The following TDG variants were observed in gnomAD, a reference collection of about 807,000 sequenced individuals.
TDG encodes the protein G/T mismatch-specific thymine DNA glycosylase.
A neutral mutation model predicts 46.1 loss-of-function variants in TDG; 23 were observed. The observed-to-expected ratio is 0.50, with a 90% CI of 0.36 to 0.71. The LOEUF (loss-of-function observed/expected upper bound fraction) is 0.71. Among genes scored for constraint, TDG ranks in the 30% least tolerant of loss-of-function variants. The pLI is 0.00. For synonymous variants in TDG, 115 were observed against 161.3 expected, an observed-to-expected ratio of 0.71 and a Z score of 2.18; for missense variants, 304 against 486.7, an observed-to-expected ratio of 0.62 and a Z score of 3.53.
rs767004128 is a variant in TDG, at chr12:103,977,031, C to A, written c.137C>A (p.Ala46Asp). The A allele has an allele frequency of 1.2e-6, 2 of 1,613,446 alleles. No individual in the cohort carries two copies. Among genetic ancestry groups the A allele is most frequent in the Admixed American group, 1.7e-5 (1 of 59,840 alleles). Residue 46 changes from alanine (A) to aspartate (D), a missense_variant, in exon 2 of 10, where the codon GCC becomes GAC. Coordinates refer to ENST00000392872, the MANE Select transcript of TDG (RefSeq NM_003211.6). ...CAGCAAATGCCAGAAGAAGTTCCAG[C>A]CCCAGCTCCTGCTCAGGAACCAGTG... ...NEQQMPEEVP[A>D]PAPAQEPVQE...
chr12:103,985,142 T>A (rs1872066190), intron 8 of TDG, among the ~76,000 whole-genome samples: 3 of 61,152 alleles, frequency 4.9e-5, no homozygotes, highest in African/African-American at 1.8e-4. Context: ...CGTATACATA[T>A]GTGTGTGTCT....
intron 9 of TDG, among the ~76,000 whole-genome samples, 162 bp downstream of exon 9, chr12:103,985,890 A>G (rs1872130429): frequency 1.3e-5 from 2 of 152,158 alleles, no homozygotes; most frequent in South Asian, 4.1e-4. Context: ...TTCACGTTGA[A>G]TTACACAGAC....
intron 4 of TDG, among the ~76,000 whole-genome samples, chr12:103,981,885 A>G (rs1007481740): frequency 2.6e-5 from 4 of 152,168 alleles, no homozygotes; most frequent in African/African-American, 4.8e-5. Flanking sequence ...GCTGTGGTGC[A>G]CACCTGTAGT....
intron 7 of TDG, among the ~76,000 whole-genome samples, chr12:103,984,159 C>T (rs571231586): frequency 6.6e-6 from 1 of 152,276 alleles, no homozygotes; most frequent in East Asian, 1.9e-4. Flanking sequence ...TATAAATATG[C>T]AATTGATGAG....
chr12:103,967,456 C>CTT (rs35778626), intron 1 of TDG, among the ~76,000 whole-genome samples: 60 of 121,328 alleles, frequency 4.9e-4, no homozygotes, highest in African/African-American at 6.4e-4. Context: ...AATAAATTTA[C>CTT]TTTTTTTTTT....
Position 103,984,728 on chromosome 12 carries a change from TA to T in TDG, c.793-20del. The T allele has an allele frequency of 8.2e-7, 1 of 1,215,068 alleles. No individual in the cohort carries two copies. The highest frequency in any genetic ancestry group is 1.1e-6 in the Non-Finnish European group (1 of 933,226). 75.3% of individuals were successfully genotyped at this position (1,215,068 alleles called of 1,614,324 possible). ...AATAGAATTATAAGATTTCTGAAAT[TA>T]TAAAATGTTGTGATTCTAGCTCTGC... On this transcript the variant is annotated intron_variant, in intron 7 of 9. Transcript: ENST00000392872.
At position 103,980,907 on chromosome 12, in the gene TDG, G is replaced by A. The variant is rs76647728; in HGVS notation, c.423G>A (p.Pro141=). ...NLDIVIIGIN[P]GLMAAYKGHH... ...TTGTTTTATAGATTGGCATAAACCC[G>A]GGACTAATGGCTGCTTACAAAGGGC... Residue 141 remains proline (P), a synonymous_variant, in exon 4 of 10, where the codon CCG becomes CCA. Coordinates refer to ENST00000392872, the MANE Select transcript of TDG (RefSeq NM_003211.6). 523 of 1,613,622 alleles carry A rather than the reference G, an allele frequency of 3.2e-4. 3 individuals are homozygous for A. In the African/African-American group the frequency reaches 6.1e-3, roughly 19 times the overall value.
At chr12:103,974,814 T>TA (rs895935196) in intron 1 of TDG, among the ~76,000 whole-genome samples, 29 of 150,062 alleles carry the variant, frequency 1.9e-4, no homozygotes, top group African/African-American at 5.4e-4. Flanking sequence ...ACTAAAAATA[T>TA]AAAAAAAAAT....
chr12:103,974,717 T>C (rs1871441774), intron 1 of TDG, among the ~76,000 whole-genome samples: 1 of 152,044 alleles, frequency 6.6e-6, no homozygotes, highest in African/African-American at 2.4e-5. Context: ...ATGCCTATAA[T>C]CCCAGCACTT....
chr12:103,984,637 A>G (rs753124382), intron 7 of TDG, 112 bp from the exon 8 acceptor site: 16 of 764,710 alleles, frequency 2.1e-5, no homozygotes, highest in Non-Finnish European at 2.9e-5. Flanking sequence ...ATATATTTAT[A>G]TGTAGTTAAG....
In TDG at chr12:103,987,081, C is replaced by T. The variant is rs574244695; in HGVS notation, c.1224C>T (p.Ser408=). 1 of 1,613,740 alleles carries T rather than the reference C, an allele frequency of 6.2e-7. No homozygotes were observed. Among genetic ancestry groups the T allele is most frequent in the South Asian group, 1.1e-5 (1 of 91,064 alleles). ...GAACACAAGAACAGGAAGAAGAAAG[C>T]CATGCTTAAGAATGGTGCTTCTCAG... ...HCGTQEQEEE[S]HA is the part of the protein sequence containing the mutation. Residue 408 remains serine (S), a synonymous_variant, in exon 10 of 10, where the codon AGC becomes AGT. Transcript: ENST00000392872.
chr12:103,982,739 T>G, intron 4 of TDG, 60 bp from the exon 5 acceptor site: 1 of 1,575,010 alleles, frequency 6.3e-7, no homozygotes, highest in Admixed American at 1.7e-5. Flanking sequence ...CACTCTAGCC[T>G]GGGTGACAGA....
chr12:103,987,064 G>T lies in TDG; in HGVS notation c.1207G>T (p.Glu403Ter), dbSNP rs767990231. 5.6e-6 allele frequency: 9 copies of T among 1,614,064 alleles called. No individual in the cohort carries two copies. The East Asian group carries it at 2.0e-4, about 36-fold the overall frequency. The change falls in exon 10 of 10, where the codon GAA (glutamate) becomes TAA (stop). Residue 403 changes from glutamate to a stop codon, truncating the protein, a stop_gained. Transcript: ENST00000392872. LOFTEE classifies it high-confidence loss of function. Reference protein sequence around the residue: ...PSFSNHCGTQEQEEESHA With the variant: ...PSFSNHCGTQ ...CTTTAGTAATCACTGTGGAACACAA[G>T]AACAGGAAGAAGAAAGCCATGCTTA...
intron 1 of TDG, among the ~76,000 whole-genome samples, chr12:103,968,400 GT>G (rs1200667256): frequency 1.3e-5 from 2 of 152,178 alleles, no homozygotes; most frequent in African/African-American, 4.8e-5. Context: ...AGGAAGGACT[GT>G]TTTGGTTAGA....
chr12:103,977,251 C>T (rs891328905), intron 2 of TDG, among the ~76,000 whole-genome samples, 191 bp downstream of exon 2: 4 of 152,202 alleles, frequency 2.6e-5, no homozygotes, highest in Middle Eastern at 3.2e-3. Context: ...AAAAATATCT[C>T]ATAATCTAGT....
chr12:103,985,492 C>A, intron 8 of TDG, 111 bp from the exon 9 acceptor site: 1 of 1,219,646 alleles, frequency 8.2e-7, no homozygotes, highest in Non-Finnish European at 1.1e-6. Context: ...AGAGATGTAT[C>A]TCAGTGTATA....
chr12:103,971,770 A>C (rs553678099), intron 1 of TDG, among the ~76,000 whole-genome samples: 1 of 152,344 alleles, frequency 6.6e-6, no homozygotes, highest in East Asian at 1.9e-4. Context: ...TAAGTTTAAC[A>C]TCAGGAAGTT....
At position 103,982,839 on chromosome 12, in the gene TDG, G is replaced by A; in HGVS notation, c.519G>A (p.Leu173=). The A allele has an allele frequency of 6.2e-7, 1 of 1,613,860 alleles. No individual in the cohort carries two copies. Among genetic ancestry groups the A allele is most frequent in the Non-Finnish European group, 8.5e-7 (1 of 1,180,012 alleles). ...TGTCAGGGCTCAGTGAGGTCCAGCT[G>A]AACCATATGGATGATCACACTCTAC... ...LFMSGLSEVQ[L]NHMDDHTLPG... The change falls in exon 5 of 10, where the codon CTG becomes CTA. Residue 173 remains leucine, a synonymous_variant. Coordinates refer to ENST00000392872, the MANE Select transcript of TDG (RefSeq NM_003211.6).
intron 2 of TDG, among the ~76,000 whole-genome samples, chr12:103,978,186 A>G (rs1871631227): frequency 1.3e-5 from 2 of 152,138 alleles, no homozygotes; most frequent in South Asian, 4.1e-4. Context: ...TGGAGAAAGA[A>G]TTAGGAAACA....
Sources: allele counts gnomAD v4.1 joint callset (sites outside exome capture counted in the v4.1 genomes callset), GRCh38; gene constraint gnomAD v4.1.1; transcripts MANE v1.5; gene names NCBI Gene and HGNC (gene_info 2026-07-23, HGNC 2026-07-21).